Variants in ZNF333 observed in about 807,000 individuals in gnomAD.
ZNF333 encodes zinc finger protein 333.
A neutral mutation model predicts 76.1 loss-of-function variants in ZNF333; 61 were observed. The observed-to-expected ratio is 0.80, with a 90% CI of 0.65 to 0.99. The LOEUF (loss-of-function observed/expected upper bound fraction) is 0.99, where lower values mean the gene tolerates loss of function less well. ZNF333 is among the 50% of genes least tolerant of loss of function. ZNF333 has a pLI of 0.00. For missense variants in ZNF333, 717 were observed against 822.4 expected (o/e 0.87, Z 1.57); for synonymous variants, 284 against 305.0 (o/e 0.93, Z 0.72).
chr19:14,701,300 G>A (rs2041950429), intron 5 of ZNF333, among the ~76,000 whole-genome samples: 2 of 152,094 alleles, frequency 1.3e-5, no homozygotes, highest in Non-Finnish European at 2.9e-5. Context: ...GCACTGGCAC[G>A]ATCATAGCTC....
chr19:14,706,755 T>C lies in ZNF333; in HGVS notation c.493T>C (p.Trp165Arg), dbSNP rs750755140. The C allele has an allele frequency of 2.4e-5, 38 of 1,613,582 alleles. No individual in the cohort carries two copies. The highest frequency in any genetic ancestry group is 2.6e-5 in the Non-Finnish European group (31 of 1,179,878). The part of the protein sequence containing the change: ...PVPTLGHRNP[W>R]VARDSAVPAR... ...GCCTACTCTGGGCCACCGCAACCCA[T>C]GGGTGGCCAGGGATTCTGGTGAGTG... is the stretch of plus-strand genomic sequence containing the variant. The change falls in exon 7 of 12, where the codon TGG becomes CGG. Residue 165 changes from tryptophan to arginine, a missense_variant. Trp to Arg is a moderately radical substitution (Grantham distance 101, BLOSUM62 -3). Transcript: ENST00000292530.
chr19:14,730,161 T>C (rs1351288558), intron 11 of ZNF333, among the ~76,000 whole-genome samples: 1 of 152,206 alleles, frequency 6.6e-6, no homozygotes, highest in Non-Finnish European at 1.5e-5. Context: ...CAAGTGATTC[T>C]TCTGCCTCGC....
intron 7 of ZNF333, among the ~76,000 whole-genome samples, chr19:14,712,841 C>G (rs186781572): frequency 1.2e-4 from 18 of 152,124 alleles, no homozygotes; most frequent in Non-Finnish European, 2.5e-4. Context: ...ATCCTATTTC[C>G]AAATAAGGTC....
chr19:14,690,660 A>G (rs114923900), intron 1 of ZNF333, among the ~76,000 whole-genome samples: 21 of 152,354 alleles, frequency 1.4e-4, no homozygotes, highest in African/African-American at 4.6e-4. Context: ...TGCATCCTCC[A>G]TTAAGGAATG....
chr19:14,717,781 C>G, intron 11 of ZNF333, 48 bp downstream of exon 11: 2 of 1,568,448 alleles, frequency 1.3e-6, no homozygotes, highest in Non-Finnish European at 1.8e-6. Flanking sequence ...TAGGATGAGT[C>G]TGGGGTTAAC....
In ZNF333 at chr19:14,720,343, T is replaced by G. The variant is rs2042560623; in HGVS notation, c.*1018T>G. 4.1e-6 allele frequency: 4 copies of G among 985,396 alleles called. No homozygotes were observed. Among genetic ancestry groups the G allele is most frequent in the Non-Finnish European group, 4.8e-6 (4 of 829,930 alleles). 61.0% of individuals were successfully genotyped at this position (985,396 alleles called of 1,614,324 possible). A position where few individuals can be genotyped will look rare whatever the true frequency, so the allele number is the denominator to read the frequency against. ...TCAGGGATGGTTTCATGTAGCCACATCTCTCCACTTCTTGCCTTTTGGACA... is the reference window on the plus strand; with the variant it reads ...TCAGGGATGGTTTCATGTAGCCACAGCTCTCCACTTCTTGCCTTTTGGACA... On this transcript the variant is annotated 3_prime_UTR_variant, in exon 12 of 12. Transcript: ENST00000292530.
In ZNF333 at chr19:14,718,799, C is replaced by T. The variant is rs556877215; in HGVS notation, c.1472C>T (p.Ser491Phe). 1.4e-5 allele frequency: 22 copies of T among 1,613,992 alleles called. No individual in the cohort carries two copies. Among genetic ancestry groups the T allele is most frequent in the Non-Finnish European group, 1.9e-5 (22 of 1,180,024 alleles). Residue 491 changes from serine (S) to phenylalanine (F), a missense_variant, in exon 12 of 12, where the codon TCT (serine) becomes TTT (phenylalanine). Ser to Phe is a radical substitution (Grantham distance 155). Coordinates refer to ENST00000292530, the MANE Select transcript of ZNF333 (RefSeq NM_032433.4). ...TGTGGGAAAGCCTTCAGGGAACACT[C>T]TTCACTGAAGACACATCTGCGAACC... ...SQCGKAFREHSSLKTHLRTHT... is the reference protein window; with the variant it reads ...SQCGKAFREHFSLKTHLRTHT...
At chr19:14,715,220 A>G (rs973251930) in intron 7 of ZNF333, 162 bp from the exon 8 acceptor site, 1 of 597,858 alleles carries the variant, frequency 1.7e-6, no homozygotes. Flanking sequence ...TGCGTGTGCA[A>G]GAGCTTGCAG....
At chr19:14,695,168 C>A (rs1163631026) in intron 3 of ZNF333, 35 bp downstream of exon 3, 1 of 1,603,808 alleles carries the variant, frequency 6.2e-7, no homozygotes, top group East Asian at 2.2e-5. Flanking sequence ...TTCCTGTACG[C>A]AGGCACTAAA....
At chr19:14,694,949 A>G (rs1375492268) in intron 2 of ZNF333, 61 bp from the exon 3 acceptor site, 25 of 1,605,256 alleles carry the variant, frequency 1.6e-5, no homozygotes, top group South Asian at 1.1e-5. Flanking sequence ...AGTGATAACC[A>G]GTCGTTCTGC....
downstream of ZNF333, among the ~76,000 whole-genome samples, chr19:14,725,030 G>A (rs561964775): frequency 1.3e-5 from 2 of 152,290 alleles, no homozygotes; most frequent in South Asian, 2.1e-4. Context: ...ACGGGCTCAC[G>A]GTTCTGCAGG....
Position 14,718,861 on chromosome 19 carries a change from G to A in ZNF333, c.1534G>A (p.Gly512Ser). ...GAAACCATATGAATGCAACCAGTGTGGCAAGCCCTTCCGGACGAGCACTCA... is the reference window on the plus strand; with the variant it reads ...GAAACCATATGAATGCAACCAGTGTAGCAAGCCCTTCCGGACGAGCACTCA... ...REKPYECNQCGKPFRTSTHLN... is the reference protein window; with the variant it reads ...REKPYECNQCSKPFRTSTHLN... Residue 512 changes from glycine (G) to serine (S), a missense_variant, in exon 12 of 12, where the codon GGC (glycine) becomes AGC (serine). Transcript: ENST00000292530. 3 of 1,614,156 alleles carry A rather than the reference G, an allele frequency of 1.9e-6. No homozygotes were observed. Among genetic ancestry groups the A allele is most frequent in the East Asian group, 2.2e-5 (1 of 44,882 alleles).
At chr19:14,713,589 T>C (rs1356034908) in intron 7 of ZNF333, among the ~76,000 whole-genome samples, 1 of 151,958 alleles carries the variant, frequency 6.6e-6, no homozygotes, top group Non-Finnish European at 1.5e-5. Context: ...CAGCAACATG[T>C]TGGAGAAGAA....
At position 14,716,231 on chromosome 19, in the gene ZNF333, C is replaced by T; in HGVS notation, c.720C>T (p.Ala240=). Residue 240 remains alanine, a synonymous_variant, in exon 9 of 12, where the codon GCC becomes GCT. Coordinates refer to ENST00000292530, the MANE Select transcript of ZNF333 (RefSeq NM_032433.4). ...TGCTGGAGAACTACAGGAACCTGGC[C>T]TCTGTGGGTAAGGCAGCTTCATCTT... ...DVMLENYRNL[A]SVADQLCKPN... 1.2e-6 allele frequency: 2 copies of T among 1,609,754 alleles called. No individual in the cohort carries two copies. Among genetic ancestry groups the T allele is most frequent in the Non-Finnish European group, 8.5e-7 (1 of 1,178,744 alleles).
chr19:14,727,162 G>A (rs1190345734), intron 11 of ZNF333, among the ~76,000 whole-genome samples: 2 of 151,448 alleles, frequency 1.3e-5, no homozygotes, highest in African/African-American at 4.9e-5. Flanking sequence ...TGAGCAGCTG[G>A]GACTACAGGT....
rs147710084 is a variant in ZNF333 at position 14,718,945 on chromosome 19, G to C, written c.1618G>C (p.Gly540Arg). ...GAAACTGTATGAGTGCGCGACTTGCGGTCAGGTCTTGAGTCGTCTTTCAAC... is the reference window on the plus strand; with the variant it reads ...GAAACTGTATGAGTGCGCGACTTGCCGTCAGGTCTTGAGTCGTCTTTCAAC... ...GEKLYECATCGQVLSRLSTLK... is the reference protein window; with the variant it reads ...GEKLYECATCRQVLSRLSTLK... Residue 540 changes from glycine to arginine, a missense_variant, in exon 12 of 12, where the codon GGT becomes CGT. Coordinates refer to ENST00000292530, the MANE Select transcript of ZNF333 (RefSeq NM_032433.4). The C allele has an allele frequency of 1.2e-6, 2 of 1,613,986 alleles. No individual in the cohort carries two copies. Among genetic ancestry groups the C allele is most frequent in the Admixed American group, 3.3e-5 (2 of 59,994 alleles).
downstream of ZNF333, among the ~76,000 whole-genome samples, chr19:14,724,712 G>A (rs562217318): frequency 8.1e-5 from 12 of 149,030 alleles, no homozygotes; most frequent in South Asian, 2.5e-3. Flanking sequence ...GTTGCAGTGA[G>A]CCGACATCAT....
chr19:14,729,107 G>A (rs546088352), intron 11 of ZNF333, among the ~76,000 whole-genome samples: 6 of 152,258 alleles, frequency 3.9e-5, no homozygotes, highest in Admixed American at 1.3e-4. Flanking sequence ...GATTAGTGCC[G>A]ACGGGAAGGC....
At chr19:14,729,646 C>T (rs1410519241) in intron 11 of ZNF333, among the ~76,000 whole-genome samples, 4 of 152,076 alleles carry the variant, frequency 2.6e-5, no homozygotes, top group Non-Finnish European at 5.9e-5. Context: ...ACCACTGCGC[C>T]CGGTGGGATA....
Sources: allele counts gnomAD v4.1 joint callset (sites outside exome capture counted in the v4.1 genomes callset), GRCh38; gene constraint gnomAD v4.1.1; transcripts MANE v1.5; gene names NCBI Gene and HGNC (gene_info 2026-07-23, HGNC 2026-07-21).